The following KAZN variants were observed in gnomAD, a reference collection of about 807,000 sequenced individuals.
KAZN encodes kazrin, periplakin interacting protein.
Under a neutral mutation model 87.4 loss-of-function variants are expected in KAZN, and 40 were observed. The ratio of observed to expected loss-of-function variants is 0.46; its 90% CI spans 0.36 to 0.60. The LOEUF (loss-of-function observed/expected upper bound fraction) is 0.60, where lower values mean the gene tolerates loss of function less well. Among genes scored for constraint, KAZN ranks in the 20% least tolerant of loss-of-function variants. The pLI, the probability that KAZN is intolerant of heterozygous loss-of-function variation, is 0.00. For synonymous variants in KAZN, 466 were observed against 458.3 expected (o/e 1.02, Z -0.22); for missense variants, 898 against 1,073.9 (o/e 0.84, Z 2.29).
intron 1 of KAZN, among the ~76,000 whole-genome samples, chr1:13,981,580 G>C (rs1638711741): frequency 6.6e-6 from 1 of 152,100 alleles, no homozygotes; most frequent in Non-Finnish European, 1.5e-5. Flanking sequence ...ACAGAGCTCT[G>C]TCAAGGTACA....
At chr1:15,054,802 A>C (rs1674778273) in intron 4 of KAZN, among the ~76,000 whole-genome samples, 1 of 152,270 alleles carries the variant, frequency 6.6e-6, no homozygotes, top group Non-Finnish European at 1.5e-5. Flanking sequence ...GAGGTCTCAG[A>C]CACTGGGCAG....
intron 1 of KAZN, among the ~76,000 whole-genome samples, chr1:14,721,987 T>A (rs1643133364): frequency 6.6e-6 from 1 of 151,942 alleles, no homozygotes; most frequent in Admixed American, 6.6e-5. Flanking sequence ...AACCCCCTTC[T>A]CTACTAAAAA....
chr1:14,866,393 A>G (rs547311966), intron 1 of KAZN, among the ~76,000 whole-genome samples: 1 of 152,318 alleles, frequency 6.6e-6, no homozygotes, highest in African/African-American at 2.4e-5. Context: ...CCATCTTGTC[A>G]TCCTTCTGTC....
At chr1:14,849,099 C>A (rs1399495510) in intron 1 of KAZN, among the ~76,000 whole-genome samples, 1 of 152,150 alleles carries the variant, frequency 6.6e-6, no homozygotes, top group Non-Finnish European at 1.5e-5. Context: ...CCTTGTTCGG[C>A]CACTCCCAGG....
chr1:14,549,315 T>A (rs1673358158), intron 2 of KAZN, among the ~76,000 whole-genome samples: 1 of 152,182 alleles, frequency 6.6e-6, no homozygotes, highest in Non-Finnish European at 1.5e-5. Flanking sequence ...CTAAAAATAC[T>A]CAACCCACAG....
At chr1:14,654,518 C>G (rs573526672) in intron 1 of KAZN, among the ~76,000 whole-genome samples, 1 of 151,946 alleles carries the variant, frequency 6.6e-6, no homozygotes, top group Non-Finnish European at 1.5e-5. Flanking sequence ...AAATAGCCCC[C>G]GCTTTAAGAC....
rs898157662 is a variant in KAZN at position 14,347,863 on chromosome 1, T to A, written c.249+167271T>A. Among the ~76,000 whole-genome samples the A allele has an allele frequency of 1.1e-4, 17 of 150,302 alleles. 1 individual carries two copies. In the South Asian group the frequency reaches 2.7e-3, roughly 24 times the overall value. On this transcript the variant is annotated intron_variant, in intron 2 of 16. Coordinates refer to the KAZN transcript ENST00000636203. Reference sequence around the variant, plus strand: ...TTTCTACAATGGGCATATACTACTATTTTTTTTCTTTTTTCTTTTTCTTTT... The same window carrying A: ...TTTCTACAATGGGCATATACTACTAATTTTTTTCTTTTTTCTTTTTCTTTT...
chr1:13,981,095 A>ATATATATAAAAG (rs1553181092), intron 1 of KAZN, among the ~76,000 whole-genome samples: 1 of 104,244 alleles, frequency 9.6e-6, no homozygotes, highest in African/African-American at 3.9e-5. Flanking sequence ...CTCTTTATAT[A>ATATATATAAAAG]TATATATATA....
At chr1:14,291,555 G>T (rs960174084) in intron 2 of KAZN, among the ~76,000 whole-genome samples, 6 of 152,172 alleles carry the variant, frequency 3.9e-5, no homozygotes, top group Non-Finnish European at 7.4e-5. Context: ...GCAGTGTTTG[G>T]GTGGGAGTGT....
At chr1:14,914,862 T>TACTGGTACTTACATAGC (rs1657627481) in intron 1 of KAZN, among the ~76,000 whole-genome samples, 1 of 152,216 alleles carries the variant, frequency 6.6e-6, no homozygotes, top group Non-Finnish European at 1.5e-5. Context: ...ACTTACATAG[T>TACTGGTACTTACATAGC]ACTGGTACTT....
chr1:14,702,782 A>G (rs1171492871), intron 1 of KAZN, among the ~76,000 whole-genome samples: 2 of 152,200 alleles, frequency 1.3e-5, no homozygotes, highest in Non-Finnish European at 2.9e-5. Context: ...GAAAGTGTTT[A>G]ACGTGTGCCT....
chr1:14,867,014 AGT>A (rs1301729014), intron 1 of KAZN, among the ~76,000 whole-genome samples: 6 of 152,260 alleles, frequency 3.9e-5, no homozygotes, highest in Admixed American at 1.3e-4. Flanking sequence ...CAGGATGCTA[AGT>A]GAGGCTGGCC....
At chr1:14,780,536 A>C (rs1645300383) in intron 1 of KAZN, among the ~76,000 whole-genome samples, 1 of 152,196 alleles carries the variant, frequency 6.6e-6, no homozygotes, top group African/African-American at 2.4e-5. Flanking sequence ...TCTTCTGTCA[A>C]ATGGAGATAG....
chr1:14,524,892 A>G (rs1671782386), intron 2 of KAZN, among the ~76,000 whole-genome samples: 1 of 152,250 alleles, frequency 6.6e-6, no homozygotes, highest in African/African-American at 2.4e-5. Context: ...CATCTACCAT[A>G]AAGAAAAAGC....
intron 1 of KAZN, among the ~76,000 whole-genome samples, chr1:14,171,175 G>T (rs1013087912): frequency 1.3e-5 from 2 of 152,206 alleles, no homozygotes; most frequent in Admixed American, 1.3e-4. Context: ...ACCACATTTT[G>T]TTAGTCCATG....
intron 1 of KAZN, among the ~76,000 whole-genome samples, chr1:14,137,646 T>C (rs1032453584): frequency 6.6e-6 from 1 of 151,158 alleles, no homozygotes; most frequent in Non-Finnish European, 1.5e-5. Flanking sequence ...TGTTCAAACA[T>C]GTAAACTGCT....
intron 1 of KAZN, among the ~76,000 whole-genome samples, chr1:14,600,215 C>G (rs774784251): frequency 1.1e-4 from 16 of 152,122 alleles, no homozygotes; most frequent in Non-Finnish European, 2.4e-4. Context: ...AAACAAATCT[C>G]CAGTCCATGA....
At chr1:15,033,930 G>A (rs948485346) in intron 2 of KAZN, among the ~76,000 whole-genome samples, 2 of 152,076 alleles carry the variant, frequency 1.3e-5, no homozygotes, top group Admixed American at 1.3e-4. Context: ...AGTAGAGAGG[G>A]GGTTTCACCA....
chr1:15,015,399 C>A (rs894769111), intron 2 of KAZN, among the ~76,000 whole-genome samples: 6 of 152,292 alleles, frequency 3.9e-5, no homozygotes, highest in African/African-American at 1.4e-4. Context: ...GATCCTCCCG[C>A]CTCAGCCTCC....
Sources: allele counts gnomAD v4.1 joint callset (sites outside exome capture counted in the v4.1 genomes callset), GRCh38; gene constraint gnomAD v4.1.1; transcripts MANE v1.5; gene names NCBI Gene and HGNC (gene_info 2026-07-23, HGNC 2026-07-21).